The following CHRM2 variants were observed in gnomAD, a reference collection of about 807,000 sequenced individuals.
CHRM2 encodes muscarinic acetylcholine receptor M2.
CHRM2 carries 8 observed loss-of-function variants against 25.0 expected under a neutral mutation model. That is an observed-to-expected ratio of 0.32 (90% confidence interval 0.19 to 0.58). The LOEUF (loss-of-function observed/expected upper bound fraction) is 0.58. CHRM2 is among the 20% of genes least tolerant of loss of function. The pLI is 0.88. For missense variants in CHRM2, 440 were observed against 567.1 expected (o/e 0.78, Z 2.28); for synonymous variants, 202 against 205.7 (o/e 0.98, Z 0.15).
At chr7:136,908,190 T>C (rs978657542) in intron 2 of CHRM2, among the ~76,000 whole-genome samples, 1 of 151,918 alleles carries the variant, frequency 6.6e-6, no homozygotes, top group Admixed American at 6.6e-5. Flanking sequence ...CTGTATGAGA[T>C]TACAGTTTTA....
chr7:136,974,803 T>A (rs1802007683), intron 2 of CHRM2, among the ~76,000 whole-genome samples: 1 of 152,160 alleles, frequency 6.6e-6, no homozygotes, highest in Admixed American at 6.5e-5. Context: ...GTTACAAACA[T>A]CACTGAGAGG....
rs1340624111 is a variant in CHRM2 at position 137,015,150 on chromosome 7, G to A, written c.285G>A (p.Val95=). 1 of 1,613,468 alleles carries A rather than the reference G, an allele frequency of 6.2e-7. No individual in the cohort carries two copies. Among genetic ancestry groups the A allele is most frequent in the East Asian group, 2.2e-5 (1 of 44,822 alleles). The change falls in exon 4 of 4, where the codon GTG becomes GTA. Residue 95 remains valine (V), a synonymous_variant. Coordinates refer to ENST00000680005, the MANE Select transcript of CHRM2 (RefSeq NM_001006630.2). This position sits in a 1 kb window ranked among gnomAD's most constrained non-coding sequence, Gnocchi z 5.1. ...VIGYWPLGPV[V]CDLWLALDYV... is the part of the protein sequence containing the mutation. ...GTTACTGGCCTTTGGGACCTGTGGT[G>A]TGTGACCTTTGGCTAGCCCTGGACT...
At chr7:136,945,583 CT>C (rs1800027808) in intron 2 of CHRM2, among the ~76,000 whole-genome samples, 1 of 152,030 alleles carries the variant, frequency 6.6e-6, no homozygotes, top group Non-Finnish European at 1.5e-5. Flanking sequence ...TTCCATTGGC[CT>C]GTTTTTATAC....
chr7:136,893,582 A>T (rs528239773), intron 2 of CHRM2, among the ~76,000 whole-genome samples: 2 of 152,200 alleles, frequency 1.3e-5, no homozygotes, highest in East Asian at 3.9e-4. Flanking sequence ...TCATAGCCCA[A>T]ATCTCCAAGG....
intron 2 of CHRM2, among the ~76,000 whole-genome samples, chr7:136,901,259 T>C (rs1056637665): frequency 3.9e-5 from 6 of 151,986 alleles, no homozygotes; most frequent in African/African-American, 1.4e-4. Flanking sequence ...TTTTTGGTTC[T>C]TGGAAAAATA....
chr7:136,892,858 C>T (rs552234441), intron 2 of CHRM2, among the ~76,000 whole-genome samples: 69 of 151,800 alleles, frequency 4.5e-4, no homozygotes, highest in African/African-American at 1.5e-3. Context: ...TTAGGAGAGA[C>T]GGGATTTCAC....
intron 2 of CHRM2, among the ~76,000 whole-genome samples, chr7:136,873,370 G>A (rs1795918745): frequency 3.9e-5 from 6 of 152,140 alleles, no homozygotes; most frequent in Admixed American, 3.3e-4. Context: ...CTAAGTCCTT[G>A]GCATTATTCT....
chr7:136,930,756 T>G (rs10447877), intron 2 of CHRM2, among the ~76,000 whole-genome samples: 37,045 of 151,028 alleles, frequency 0.25, 5,994 homozygotes, highest in Non-Finnish European at 0.36. Context: ...AATCAGCCAG[T>G]TGTGGTGGCG....
At chr7:137,009,683 G>T in intron 3 of CHRM2, among the ~76,000 whole-genome samples, 1 of 151,840 alleles carries the variant, frequency 6.6e-6, no homozygotes, top group East Asian at 1.9e-4. Context: ...GGGTGCCCTT[G>T]GTTTGAATCT....
chr7:136,979,150 G>T (rs1426690245), intron 2 of CHRM2, among the ~76,000 whole-genome samples: 1 of 152,276 alleles, frequency 6.6e-6, no homozygotes, highest in Admixed American at 6.5e-5. Context: ...ATTCTAGCTG[G>T]CATGACAGGG....
intron 2 of CHRM2, among the ~76,000 whole-genome samples, chr7:136,967,462 A>C (rs1801490926): frequency 6.6e-6 from 1 of 152,048 alleles, no homozygotes. Context: ...AACAAATTAA[A>C]ACAAAATTTA....
chr7:136,889,934 C>T (rs1472166331), intron 2 of CHRM2, among the ~76,000 whole-genome samples: 1 of 152,172 alleles, frequency 6.6e-6, no homozygotes, highest in East Asian at 1.9e-4. Flanking sequence ...ACCTCAGCTG[C>T]CTCCTCTGTT....
chr7:137,019,684 C>T lies in CHRM2; in HGVS notation c.*3418C>T, dbSNP rs1490506087. The T allele has an allele frequency of 6.6e-6, 1 of 151,768 alleles. No homozygotes were observed. The highest frequency in any genetic ancestry group is 2.4e-5 in the African/African-American group (1 of 41,390). The allele number at this position is 151,768 out of a possible 1,614,324, so 9.4% of individuals were successfully genotyped here. On this transcript the variant is annotated 3_prime_UTR_variant, in exon 4 of 4. Coordinates refer to ENST00000680005, the MANE Select transcript of CHRM2 (RefSeq NM_001006630.2). ...TTCTTCGAAACAAGAAATGATTTTC[C>T]TTTTACCAGTTCATCATTAATTTAA... is the stretch of plus-strand genomic sequence containing the variant.
intron 2 of CHRM2, among the ~76,000 whole-genome samples, chr7:136,883,706 T>C (rs1055420254): frequency 6.6e-6 from 1 of 152,158 alleles, no homozygotes; most frequent in African/African-American, 2.4e-5. Flanking sequence ...ATTCTGTTTT[T>C]CACCTCTCCT....
intron 2 of CHRM2, among the ~76,000 whole-genome samples, chr7:136,875,864 C>T (rs1393854383): frequency 6.6e-6 from 1 of 152,078 alleles, no homozygotes; most frequent in Non-Finnish European, 1.5e-5. Flanking sequence ...TAAATACTAG[C>T]CAATATATTT....
chr7:136,997,441 C>T (rs17414604), intron 3 of CHRM2, among the ~76,000 whole-genome samples: 39,430 of 151,980 alleles, frequency 0.26, 5,961 homozygotes, highest in Non-Finnish European at 0.35. Context: ...ATTTTTTCTT[C>T]GGTTTACTTC....
intron 2 of CHRM2, among the ~76,000 whole-genome samples, chr7:136,983,932 G>C (rs1802663130): frequency 1.3e-5 from 2 of 152,200 alleles, no homozygotes; most frequent in South Asian, 4.1e-4. Flanking sequence ...TGACCCTTGA[G>C]GAGGTAGTCT....
Position 136,872,999 on chromosome 7 carries a change from A to G in CHRM2, c.-125+3581A>G, listed in dbSNP as rs1795899490. Among the ~76,000 whole-genome samples, 3 of 152,236 alleles carry G rather than the reference A, an allele frequency of 2.0e-5. No individual in the cohort carries two copies. The South Asian group carries it at 6.2e-4, about 31-fold the overall frequency. ...TTTACTCAATAGGACAGAGACTGAC[A>G]GAAACATTTTGCCACACAGTTCTCT... On this transcript the variant is annotated intron_variant, in intron 2 of 3. Coordinates refer to ENST00000680005, the MANE Select transcript of CHRM2 (RefSeq NM_001006630.2).
chr7:136,969,720 A>T (rs1467919414), intron 2 of CHRM2, among the ~76,000 whole-genome samples: 1 of 152,094 alleles, frequency 6.6e-6, no homozygotes, highest in African/African-American at 2.4e-5. Context: ...ATAGGTTAAC[A>T]TATACCTTCT....
Sources: allele counts gnomAD v4.1 joint callset (sites outside exome capture counted in the v4.1 genomes callset), GRCh38; gene constraint gnomAD v4.1.1; non-coding constraint Gnocchi (gnomAD v3.1); transcripts MANE v1.5; gene names NCBI Gene and HGNC (gene_info 2026-07-23, HGNC 2026-07-21).